DST: variants seen among roughly 807,000 people sequenced by gnomAD.
DST encodes the protein bullous pemphigoid antigen.
A neutral mutation model predicts 875.2 loss-of-function variants in DST; 253 were observed. The observed-to-expected ratio is 0.29, with a 90% CI of 0.26 to 0.32. DST has a LOEUF of 0.32. Ranked by LOEUF, DST falls within the 10% of genes least tolerant of loss-of-function variation. The probability of loss-of-function intolerance (pLI) is 1.00; values close to 1 mark genes in which losing one functional copy is unlikely to be tolerated. For synonymous variants in DST, 3,124 were observed against 3,197.1 expected (o/e 0.98, Z 0.77); for missense variants, 8,287 against 9,111.6 (o/e 0.91, Z 3.68).
intron 3 of DST, among the ~76,000 whole-genome samples, chr6:56,863,409 G>A (rs1472090611): frequency 6.6e-6 from 1 of 152,078 alleles, no homozygotes; most frequent in Non-Finnish European, 1.5e-5. Context: ...ACTTCCAATT[G>A]TCTGTAAGTA....
At chr6:56,683,996 T>C (rs1034625387) in intron 9 of DST, among the ~76,000 whole-genome samples, 9 of 152,248 alleles carry the variant, frequency 5.9e-5, no homozygotes, top group East Asian at 3.9e-4. Flanking sequence ...TCTCATCTTA[T>C]AGCACACTGA....
intron 4 of DST, among the ~76,000 whole-genome samples, chr6:56,737,742 C>A (rs2099530930): frequency 6.6e-6 from 1 of 152,206 alleles, no homozygotes; most frequent in African/African-American, 2.4e-5. Context: ...CTGGACAACA[C>A]TGCTGTACAA....
At chr6:56,929,295 A>C (rs187815597) in intron 2 of DST, among the ~76,000 whole-genome samples, 1 of 152,322 alleles carries the variant, frequency 6.6e-6, no homozygotes, top group African/African-American at 2.4e-5. Context: ...TGTAATAATG[A>C]AAGATTAGAA....
intron 4 of DST, among the ~76,000 whole-genome samples, chr6:56,743,879 C>T (rs1249082714): frequency 6.6e-6 from 1 of 152,152 alleles, no homozygotes; most frequent in Non-Finnish European, 1.5e-5. Flanking sequence ...TTGGGCTGTG[C>T]ATGATGGCTC....
intron 77 of DST, among the ~76,000 whole-genome samples, chr6:56,505,001 T>G (rs2096265867): frequency 6.6e-6 from 1 of 152,128 alleles, no homozygotes; most frequent in Non-Finnish European, 1.5e-5. Flanking sequence ...CTGGGATATT[T>G]TGCACTTTAA....
chr6:56,644,261 G>A (rs759115214), intron 15 of DST, among the ~76,000 whole-genome samples: 16 of 152,056 alleles, frequency 1.1e-4, no homozygotes, highest in Non-Finnish European at 2.2e-4. Context: ...GCTGCATCCT[G>A]TATATTTATG....
chr6:56,781,794 T>A (rs1271615241), intron 4 of DST, among the ~76,000 whole-genome samples: 2 of 152,248 alleles, frequency 1.3e-5, no homozygotes, highest in East Asian at 3.8e-4. Context: ...CATCCCTGTC[T>A]TGTGCCAGTT....
At chr6:56,852,724 G>A (rs114379185) in intron 3 of DST, among the ~76,000 whole-genome samples, 515 of 152,304 alleles carry the variant, frequency 3.4e-3, no homozygotes, top group Non-Finnish European at 5.5e-3. Context: ...ATTCTACTTC[G>A]CTGAGACTCA....
At chr6:56,820,790 GTTTC>G (rs1226782496) in intron 4 of DST, among the ~76,000 whole-genome samples, 3 of 151,226 alleles carry the variant, frequency 2.0e-5, no homozygotes, top group African/African-American at 4.9e-5. Flanking sequence ...TTTACTTTTA[GTTTC>G]TTTTTCACAG....
At chr6:56,918,966 T>G (rs1268385159) in intron 2 of DST, among the ~76,000 whole-genome samples, 5 of 152,178 alleles carry the variant, frequency 3.3e-5, no homozygotes, top group Non-Finnish European at 7.3e-5. Flanking sequence ...TTGTCTGAAT[T>G]TTTAAATTAT....
At chr6:56,637,798 G>C (rs2152772998) in intron 22 of DST, among the ~76,000 whole-genome samples, 1 of 151,946 alleles carries the variant, frequency 6.6e-6, no homozygotes, top group African/African-American at 2.4e-5. Flanking sequence ...ACTATTTTAA[G>C]TAAGCCTGTC....
Position 56,597,872 on chromosome 6 carries a change from A to G in DST, c.12063T>C (p.His4021=). The G allele has an allele frequency of 6.2e-6, 10 of 1,613,844 alleles. No homozygotes were observed. The highest frequency in any genetic ancestry group is 8.5e-6 in the Non-Finnish European group (10 of 1,179,836). The change falls in exon 47 of 104, where the codon CAT becomes CAC. Residue 4021 remains histidine, a synonymous_variant. Coordinates refer to ENST00000680361, the MANE Select transcript of DST (RefSeq NM_001374736.1). ...HKQVIEQNGT[H]FQEGDGKSAI... ...CTGACTTGCCATCACCTTCTTGAAA[A>G]TGGGTCCCGTTCTGTTCGATTACCT...
intron 72 of DST, among the ~76,000 whole-genome samples, chr6:56,514,066 T>C (rs1204629967): frequency 6.6e-6 from 1 of 152,218 alleles, no homozygotes; most frequent in Non-Finnish European, 1.5e-5. Flanking sequence ...CCTCCCTTTA[T>C]ACAGACAATC....
chr6:56,740,022 T>C (rs1041526602), intron 4 of DST, among the ~76,000 whole-genome samples: 2 of 152,148 alleles, frequency 1.3e-5, no homozygotes, highest in Admixed American at 6.5e-5. Flanking sequence ...CCAACACACC[T>C]GGCTAATGTT....
At chr6:56,679,599 T>TAAAAA (rs1165137050) in intron 9 of DST, among the ~76,000 whole-genome samples, 1 of 111,864 alleles carries the variant, frequency 8.9e-6, no homozygotes, top group African/African-American at 3.5e-5. Context: ...TATGTCTCAT[T>TAAAAA]AAAAAAAAAA....
At chr6:56,643,583 C>T (rs369368285) in intron 15 of DST, among the ~76,000 whole-genome samples, 17 of 152,286 alleles carry the variant, frequency 1.1e-4, no homozygotes, top group African/African-American at 3.9e-4. Flanking sequence ...CATACACTTC[C>T]ATGCCACATA....
chr6:56,846,995 CCT>C (rs2099807830), intron 4 of DST, among the ~76,000 whole-genome samples: 2 of 139,046 alleles, frequency 1.4e-5, no homozygotes, highest in South Asian at 4.7e-4. Context: ...AGAGGAAGAC[CCT>C]GTCTCAAAAA....
intron 2 of DST, among the ~76,000 whole-genome samples, chr6:56,902,450 T>C (rs1280693575): frequency 6.6e-6 from 1 of 152,198 alleles, no homozygotes; most frequent in African/African-American, 2.4e-5. Context: ...AGCCGGAAGA[T>C]GGGCTACTGT....
chr6:56,862,539 C>A (rs1476834542), intron 3 of DST, among the ~76,000 whole-genome samples: 1 of 151,888 alleles, frequency 6.6e-6, no homozygotes, highest in Non-Finnish European at 1.5e-5. Context: ...CACTGGGGCC[C>A]AGACTTCATC....
Sources: gnomAD v4.1 joint callset for allele counts (sites outside exome capture counted in the v4.1 genomes callset) on GRCh38, gnomAD v4.1.1 for gene constraint, MANE v1.5 for transcripts, NCBI Gene and HGNC (gene_info 2026-07-23, HGNC 2026-07-21) for gene names.